The following RMDN2 variants were observed in gnomAD, a reference collection of about 807,000 sequenced individuals.
The protein encoded by RMDN2 is regulator of microtubule dynamics protein 2.
A neutral mutation model predicts 52.8 loss-of-function variants in RMDN2; 61 were observed. The observed-to-expected ratio is 1.16, with a 90% CI of 0.94 to 1.43. The LOEUF (loss-of-function observed/expected upper bound fraction) is 1.43, where lower values mean the gene tolerates loss of function less well. RMDN2 is among the 40% of genes most tolerant of loss of function. The probability of loss-of-function intolerance (pLI) is 0.00; values close to 1 mark genes in which losing one functional copy is unlikely to be tolerated. For missense variants in RMDN2, 592 were observed against 475.3 expected (o/e 1.25, Z -2.28); for synonymous variants, 180 against 153.1 (o/e 1.18, Z -1.30).
intron 10 of RMDN2, among the ~76,000 whole-genome samples, chr2:38,039,766 A>G (rs879504704): frequency 1.3e-5 from 2 of 152,200 alleles, no homozygotes; most frequent in Non-Finnish European, 2.9e-5. Context: ...CCTCCCATGA[A>G]CCTAACTTTT....
intron 10 of RMDN2, among the ~76,000 whole-genome samples, chr2:38,045,699 G>A (rs541614609): frequency 8.5e-5 from 13 of 152,284 alleles, no homozygotes; most frequent in African/African-American, 2.9e-4. Flanking sequence ...AGAATAGTGA[G>A]CATCTGAAGC....
intron 10 of RMDN2, among the ~76,000 whole-genome samples, chr2:38,015,654 A>G (rs938536281): frequency 2.0e-5 from 3 of 152,204 alleles, no homozygotes; most frequent in African/African-American, 7.2e-5. Flanking sequence ...TGCTAGACCC[A>G]TCTCAGAGGA....
intron 10 of RMDN2, among the ~76,000 whole-genome samples, 169 bp downstream of exon 10, chr2:38,004,385 CATG>C (rs1676774240): frequency 6.6e-6 from 1 of 152,180 alleles, no homozygotes; most frequent in African/African-American, 2.4e-5. Context: ...ATGTATACAG[CATG>C]ATGTTTTGAT....
chr2:38,033,537 C>T (rs1486429923), intron 10 of RMDN2, among the ~76,000 whole-genome samples: 1 of 152,232 alleles, frequency 6.6e-6, no homozygotes, highest in African/African-American at 2.4e-5. Flanking sequence ...ACAACACCAT[C>T]TATGTTTCTT....
intron 10 of RMDN2, among the ~76,000 whole-genome samples, chr2:38,033,495 C>T (rs1680360054): frequency 6.6e-6 from 1 of 152,154 alleles, no homozygotes; most frequent in African/African-American, 2.4e-5. Context: ...TGATACAATC[C>T]CAACAATCAG....
chr2:37,924,434 C>CGCCTCACTGCA (rs1340064554), upstream of RMDN2, among the ~76,000 whole-genome samples: 3 of 152,224 alleles, frequency 2.0e-5, no homozygotes, highest in African/African-American at 7.2e-5. Context: ...GGCGCGATCT[C>CGCCTCACTGCA]GCCTCACTGC....
intron 2 of RMDN2, among the ~76,000 whole-genome samples, chr2:37,968,747 A>G (rs1464189139): frequency 1.3e-5 from 2 of 152,184 alleles, no homozygotes; most frequent in Non-Finnish European, 2.9e-5. Context: ...AATGTTTGTA[A>G]GCAAATTTGA....
chr2:37,935,759 T>A lies in RMDN2; in HGVS notation c.452+6030T>A, dbSNP rs141979250. On this transcript the variant is annotated intron_variant, in intron 2 of 10. Transcript: ENST00000354545. ...ATTTTGTAACATGTTTTGCAATAAA[T>A]TTTTTTGAGTTTTTTCCATATTGAT... 3.4e-4 allele frequency among the ~76,000 whole-genome samples: 52 copies of A among 152,086 alleles called. 3 individuals are homozygous for A. In the East Asian group the frequency reaches 0.01, roughly 29 times the overall value.
In RMDN2 at chr2:38,008,254, G is replaced by A. The variant is rs557852211; in HGVS notation, c.1179+4038G>A. On this transcript the variant is annotated intron_variant, in intron 10 of 10. Transcript: ENST00000354545. ...GTGCAGAGCTGAGTTCAATTCCTGGGTATCCTTGTTAACTTTCTGTCTCGT... is the reference window on the plus strand; with the variant it reads ...GTGCAGAGCTGAGTTCAATTCCTGGATATCCTTGTTAACTTTCTGTCTCGT... Among the ~76,000 whole-genome samples the A allele has an allele frequency of 1.7e-4, 26 of 152,152 alleles. 1 individual carries two copies. In the South Asian group the frequency reaches 2.3e-3, roughly 13 times the overall value.
chr2:37,989,651 A>G lies in RMDN2; in HGVS notation c.867+35A>G, dbSNP rs1198350491. 2.3e-6 allele frequency: 3 copies of G among 1,332,184 alleles called. No homozygotes were observed. The East Asian group carries it at 6.9e-5, about 31-fold the overall frequency. The allele number at this position is 1,332,184 out of a possible 1,614,324, so 82.5% of individuals were successfully genotyped here. A position where few individuals can be genotyped will look rare whatever the true frequency, so the allele number is the denominator to read the frequency against. ...TTTTTTTTTTCATATTTCTTTTCAG[A>G]TCCAGACATATGGAAGGGTATTTAT... On this transcript the variant is annotated intron_variant, in intron 6 of 10. Transcript: ENST00000354545.
In RMDN2 at chr2:38,014,117, C is replaced by T. The variant is rs528077155; in HGVS notation, c.1180-3069C>T. On this transcript the variant is annotated intron_variant, in intron 10 of 10. Coordinates refer to ENST00000354545, the MANE Select transcript of RMDN2 (RefSeq NM_001170791.3). The stretch of plus-strand genomic sequence containing the variant: ...ATCCCAGCTACTAGGGAGGCCGAGG[C>T]AGGAGAATCTCTTGAACCTGGGAGG... Among the ~76,000 whole-genome samples, 16 of 151,914 alleles carry T rather than the reference C, an allele frequency of 1.1e-4. 1 individual carries two copies. The South Asian group carries it at 3.3e-3, about 32-fold the overall frequency.
intron 7 of RMDN2, among the ~76,000 whole-genome samples, chr2:37,995,635 T>A (rs1675437290): frequency 6.6e-6 from 1 of 152,216 alleles, no homozygotes; most frequent in African/African-American, 2.4e-5. Context: ...TCACATTTAA[T>A]AAGCTTGATC....
intron 5 of RMDN2, among the ~76,000 whole-genome samples, chr2:37,982,429 C>A (rs1171843709): frequency 1.3e-5 from 2 of 152,158 alleles, no homozygotes; most frequent in Non-Finnish European, 2.9e-5. Flanking sequence ...AGATGAGATG[C>A]AAGCCTAGCC....
chr2:37,935,590 C>T lies in RMDN2; in HGVS notation c.452+5861C>T, dbSNP rs370667831. Among the ~76,000 whole-genome samples, 7 of 152,332 alleles carry T rather than the reference C, an allele frequency of 4.6e-5. No individual in the cohort carries two copies. In the South Asian group the frequency reaches 8.3e-4, roughly 18 times the overall value. On this transcript the variant is annotated intron_variant, in intron 2 of 10. Coordinates refer to ENST00000354545, the MANE Select transcript of RMDN2 (RefSeq NM_001170791.3). Reference sequence around the variant, plus strand: ...AAGTACCCTCTCTACTCCTTTCTGTCAGGGAAACTGTTATCTTGAAGTTGG... The same window carrying T: ...AAGTACCCTCTCTACTCCTTTCTGTTAGGGAAACTGTTATCTTGAAGTTGG...
intron 2 of RMDN2, among the ~76,000 whole-genome samples, chr2:37,968,438 C>CAAAAAAAAA (rs71400332): frequency 1.1e-5 from 1 of 89,156 alleles, no homozygotes; most frequent in Non-Finnish European, 2.1e-5. Flanking sequence ...GACTCTGTCT[C>CAAAAAAAAA]AAAAAAAAAA....
intron 10 of RMDN2, among the ~76,000 whole-genome samples, chr2:38,046,808 C>A (rs1454253701): frequency 6.6e-6 from 1 of 152,020 alleles, no homozygotes; most frequent in African/African-American, 2.4e-5. Context: ...TATGGTGAAA[C>A]CCCGTCTCTA....
chr2:38,051,290 C>T (rs1681583602), intron 10 of RMDN2, among the ~76,000 whole-genome samples: 1 of 152,112 alleles, frequency 6.6e-6, no homozygotes, highest in African/African-American at 2.4e-5. Context: ...CCCTCATATT[C>T]AACTAGAATG....
chr2:37,924,086 T>A (rs578008102), upstream of RMDN2, among the ~76,000 whole-genome samples: 2 of 152,260 alleles, frequency 1.3e-5, no homozygotes, highest in South Asian at 4.1e-4. Flanking sequence ...TGGCCAGGCT[T>A]ACTTATTCTT....
At chr2:38,033,729 T>G (rs1025393135) in intron 10 of RMDN2, among the ~76,000 whole-genome samples, 3 of 152,198 alleles carry the variant, frequency 2.0e-5, no homozygotes, top group African/African-American at 7.2e-5. Flanking sequence ...GAGAGAAAAT[T>G]TGAGATCAAA....
Sources: allele counts gnomAD v4.1 joint callset (sites outside exome capture counted in the v4.1 genomes callset), GRCh38; gene constraint gnomAD v4.1.1; transcripts MANE v1.5; gene names NCBI Gene and HGNC (gene_info 2026-07-23, HGNC 2026-07-21).